The following MAST2 variants were observed in gnomAD, a reference collection of about 807,000 sequenced individuals.
The protein encoded by MAST2 is microtubule associated serine/threonine kinase 2.
Under a neutral mutation model 147.4 loss-of-function variants are expected in MAST2, and 70 were observed. That is an observed-to-expected ratio of 0.47 (90% CI 0.39 to 0.58). The LOEUF (loss-of-function observed/expected upper bound fraction) is 0.58. Among genes scored for constraint, MAST2 ranks in the 20% least tolerant of loss-of-function variants. The probability of loss-of-function intolerance (pLI) is 0.00; values close to 1 mark genes in which losing one functional copy is unlikely to be tolerated. For synonymous variants in MAST2, 869 were observed against 896.8 expected, an observed-to-expected ratio of 0.97 and a Z score of 0.55; for missense variants, 2,080 against 2,302.3, an observed-to-expected ratio of 0.90 and a Z score of 1.98.
chr1:45,967,526 G>T (rs979871087), intron 5 of MAST2, among the ~76,000 whole-genome samples: 4 of 152,258 alleles, frequency 2.6e-5, no homozygotes, highest in Admixed American at 1.3e-4. Flanking sequence ...AAGAAAATTT[G>T]TTAAGAAAAT....
intron 4 of MAST2, among the ~76,000 whole-genome samples, chr1:45,910,799 A>G (rs1651544419): frequency 6.6e-6 from 1 of 152,202 alleles, no homozygotes; most frequent in Admixed American, 6.5e-5. Flanking sequence ...ATATTTCATA[A>G]TCTCAGGCAG....
At chr1:46,013,829 G>A (rs1645817570) in intron 10 of MAST2, among the ~76,000 whole-genome samples, 1 of 152,166 alleles carries the variant, frequency 6.6e-6, no homozygotes, top group African/African-American at 2.4e-5. Context: ...GTTAAAGACA[G>A]CAATTCTTTT....
chr1:45,940,086 G>A (rs1273382911), intron 4 of MAST2, among the ~76,000 whole-genome samples: 4 of 130,252 alleles, frequency 3.1e-5, no homozygotes, highest in African/African-American at 5.8e-5. Context: ...CCCCCACCCC[G>A]GGTTCAAGTG....
At chr1:45,817,277 T>A (rs553744963) in intron 1 of MAST2, among the ~76,000 whole-genome samples, 5 of 152,274 alleles carry the variant, frequency 3.3e-5, no homozygotes, top group African/African-American at 1.2e-4. Context: ...TCTCAAGGCA[T>A]TTAATAATCA....
chr1:45,829,429 G>A lies in MAST2; in HGVS notation c.326-10G>A. 1 of 1,601,996 alleles carries A rather than the reference G, an allele frequency of 6.2e-7. No individual in the cohort carries two copies. The highest frequency in any genetic ancestry group is 8.5e-7 in the Non-Finnish European group (1 of 1,175,084). ...ATTACATGTATATTTTCCAAACCTT[G>A]TATTTGAAGGTAAGCAGCTGCTCCC... On this transcript the variant is annotated splice_polypyrimidine_tract_variant and intron_variant, in intron 2 of 28. Coordinates refer to ENST00000361297, the MANE Select transcript of MAST2 (RefSeq NM_015112.3).
chr1:46,025,631 G>A, intron 15 of MAST2, 46 bp from the exon 16 acceptor site: 7 of 1,612,122 alleles, frequency 4.3e-6, no homozygotes, highest in Non-Finnish European at 5.9e-6. Flanking sequence ...GCTAGCTAGA[G>A]CAGGGAACTG....
At chr1:45,936,503 A>T (rs145318555) in intron 4 of MAST2, among the ~76,000 whole-genome samples, 49 of 152,198 alleles carry the variant, frequency 3.2e-4, no homozygotes, top group African/African-American at 1.2e-3. Flanking sequence ...TTTGTCATAG[A>T]CGGCTCTTAT....
intron 3 of MAST2, among the ~76,000 whole-genome samples, chr1:45,874,347 A>G (rs534524473): frequency 6.6e-6 from 1 of 152,216 alleles, no homozygotes; most frequent in South Asian, 2.1e-4. Context: ...TCAGGAGATA[A>G]TGTTCCTTTT....
At chr1:45,990,014 C>A (rs753313073) in intron 5 of MAST2, among the ~76,000 whole-genome samples, 9 of 152,112 alleles carry the variant, frequency 5.9e-5, no homozygotes, top group Non-Finnish European at 1.2e-4. Context: ...CAGTTTTGGG[C>A]GATCACGAAT....
At chr1:45,882,506 C>T in intron 4 of MAST2, 111 bp downstream of exon 4, 1 of 787,996 alleles carries the variant, frequency 1.3e-6, no homozygotes. Flanking sequence ...CAATTTCTTT[C>T]TGTGTACTCC....
chr1:46,031,683 G>T lies in MAST2; in HGVS notation c.3187+98G>T. ...GCACGTGGCAGGTGTGTGTGTGTGT[G>T]TTAAGCACAGATCTGACTGTGGTCT... On this transcript the variant is annotated intron_variant, in intron 24 of 28. Coordinates refer to ENST00000361297, the MANE Select transcript of MAST2 (RefSeq NM_015112.3). The surrounding 1 kb of genome is among the most constrained non-coding windows in gnomAD (Gnocchi z 4.1). 5.2e-6 allele frequency: 6 copies of T among 1,142,938 alleles called. No homozygotes were observed. The highest frequency in any genetic ancestry group is 7.4e-6 in the Non-Finnish European group (6 of 809,624). 70.8% of individuals were successfully genotyped at this position (1,142,938 alleles called of 1,614,324 possible). A position where few individuals can be genotyped will look rare whatever the true frequency, so the allele number is the denominator to read the frequency against.
chr1:45,915,260 A>G (rs1344417526), intron 4 of MAST2, among the ~76,000 whole-genome samples: 4 of 152,108 alleles, frequency 2.6e-5, no homozygotes, highest in Non-Finnish European at 2.9e-5. Context: ...GTTGGTAATC[A>G]TTTTCTCTGT....
intron 4 of MAST2, among the ~76,000 whole-genome samples, chr1:45,886,985 A>G (rs557820142): frequency 2.0e-5 from 3 of 152,188 alleles, no homozygotes; most frequent in East Asian, 1.9e-4. Context: ...CTGCCACCAC[A>G]TCTGGCTAAT....
intron 7 of MAST2, 69 bp downstream of exon 7, chr1:46,002,952 G>A: frequency 4.1e-6 from 6 of 1,453,262 alleles, no homozygotes; most frequent in Non-Finnish European, 5.8e-6. Context: ...GTTATCTAGT[G>A]TCACAAAATG....
At chr1:45,969,470 G>A (rs1004073748) in intron 5 of MAST2, among the ~76,000 whole-genome samples, 2 of 152,050 alleles carry the variant, frequency 1.3e-5, no homozygotes, top group South Asian at 2.1e-4. Flanking sequence ...ATTTACAGCC[G>A]CTCCTTATCA....
intron 5 of MAST2, among the ~76,000 whole-genome samples, chr1:45,965,550 T>C (rs1661063004): frequency 6.6e-6 from 1 of 152,164 alleles, no homozygotes; most frequent in South Asian, 2.1e-4. Context: ...TTGCAACCCC[T>C]GCCTTTCTTT....
At chr1:45,835,224 T>C (rs1260121479) in intron 3 of MAST2, among the ~76,000 whole-genome samples, 8 of 152,112 alleles carry the variant, frequency 5.3e-5, no homozygotes, top group Non-Finnish European at 1.0e-4. Flanking sequence ...ATATACTACA[T>C]ACTCAAATTT....
chr1:45,811,291 C>T (rs568607614), intron 1 of MAST2, among the ~76,000 whole-genome samples: 13 of 150,296 alleles, frequency 8.6e-5, no homozygotes, highest in Non-Finnish European at 1.9e-4. Flanking sequence ...CTCAGCCTCT[C>T]GAGTACCTGG....
intron 3 of MAST2, among the ~76,000 whole-genome samples, chr1:45,829,824 C>CT (rs1644898760): frequency 6.6e-6 from 1 of 151,300 alleles, no homozygotes; most frequent in South Asian, 2.1e-4. Context: ...GTAGCAGGGA[C>CT]TACAGGTACA....
Sources: allele counts gnomAD v4.1 joint callset (sites outside exome capture counted in the v4.1 genomes callset), GRCh38; gene constraint gnomAD v4.1.1; non-coding constraint Gnocchi (gnomAD v3.1); transcripts MANE v1.5; gene names NCBI Gene and HGNC (gene_info 2026-07-23, HGNC 2026-07-21).